Variants in IRAG2 observed in about 807,000 individuals in gnomAD.
IRAG2 encodes the protein lymphoid restricted membrane protein.
A neutral mutation model predicts 69.9 loss-of-function variants in IRAG2; 45 were observed. The ratio of observed to expected loss-of-function variants is 0.64; its 90% CI spans 0.51 to 0.83. The LOEUF (loss-of-function observed/expected upper bound fraction) is 0.83. Ranked by LOEUF, IRAG2 falls within the 40% of genes least tolerant of loss-of-function variation. The probability of loss-of-function intolerance (pLI) is 0.00; values close to 1 mark genes in which losing one functional copy is unlikely to be tolerated. For missense variants in IRAG2, 520 were observed against 587.0 expected, an observed-to-expected ratio of 0.89 and a Z score of 1.18; for synonymous variants, 193 against 202.4, an observed-to-expected ratio of 0.95 and a Z score of 0.40.
At chr12:25,087,519 T>A (rs1263003164) in intron 10 of IRAG2, among the ~76,000 whole-genome samples, 3 of 152,174 alleles carry the variant, frequency 2.0e-5, no homozygotes, top group Non-Finnish European at 2.9e-5. Flanking sequence ...ATTTGGCAAT[T>A]AATCCTAGTT....
intron 20 of IRAG2, among the ~76,000 whole-genome samples, chr12:25,105,197 C>T (rs1277540142): frequency 1.3e-5 from 2 of 151,644 alleles, no homozygotes; most frequent in Non-Finnish European, 2.9e-5. Flanking sequence ...CTGGCTCAGC[C>T]TCCCAAGTAG....
At chr12:25,031,012 G>A (rs747405416) in intron 10 of IRAG2, 150 of 984,882 alleles carry the variant, frequency 1.5e-4, no homozygotes, top group Admixed American at 1.8e-4. Context: ...CAAGGATACC[G>A]GCTACAAAGG....
chr12:25,000,290 A>G (rs1944381802), upstream of IRAG2, among the ~76,000 whole-genome samples: 1 of 152,174 alleles, frequency 6.6e-6, no homozygotes, highest in Middle Eastern at 3.2e-3. Flanking sequence ...TACCAAAAAT[A>G]CAAAAGATTA....
At chr12:25,029,028 G>A (rs1472263867) in intron 9 of IRAG2, among the ~76,000 whole-genome samples, 4 of 152,192 alleles carry the variant, frequency 2.6e-5, no homozygotes, top group African/African-American at 9.7e-5. Flanking sequence ...CCTGCACGTT[G>A]TGCACATGTA....
At chr12:25,051,643 G>A (rs956180922), upstream of IRAG2, among the ~76,000 whole-genome samples, 1 of 152,168 alleles carries the variant, frequency 6.6e-6, no homozygotes. Flanking sequence ...AAGGGTGATG[G>A]GGAGAAAAGC....
At chr12:25,002,192 C>T (rs1158946742), upstream of IRAG2, among the ~76,000 whole-genome samples, 2 of 152,190 alleles carry the variant, frequency 1.3e-5, no homozygotes, top group African/African-American at 4.8e-5. Flanking sequence ...ACTGCTACTG[C>T]ACTTCTACCT....
chr12:25,038,011 G>A (rs1041922202), exon 16 of IRAG2: 32 of 398,678 alleles, frequency 8.0e-5, no homozygotes, highest in African/African-American at 5.8e-4. Flanking sequence ...CTAGATCTTT[G>A]CATATTAATG....
intron 8 of IRAG2, chr12:25,026,786 T>C: frequency 8.3e-7 from 1 of 1,208,034 alleles, no homozygotes; most frequent in Non-Finnish European, 1.0e-6. Context: ...TCTTTTACAT[T>C]AGAATTTCAA....
intron 16 of IRAG2, among the ~76,000 whole-genome samples, chr12:25,045,001 AT>A (rs1297559639): frequency 6.6e-6 from 1 of 152,142 alleles, no homozygotes; most frequent in Non-Finnish European, 1.5e-5. Flanking sequence ...TAGACCACAC[AT>A]TAGGTCACAA....
upstream of IRAG2, among the ~76,000 whole-genome samples, chr12:25,002,321 G>A (rs1231236605): frequency 6.6e-6 from 1 of 152,124 alleles, no homozygotes; most frequent in East Asian, 1.9e-4. Context: ...AAGTCCATAA[G>A]CCCACTAATT....
At chr12:25,076,508 C>T (rs1258330249) in intron 6 of IRAG2, 1 of 984,836 alleles carries the variant, frequency 1.0e-6, no homozygotes, top group Non-Finnish European at 1.2e-6. Flanking sequence ...ACTAATTAGA[C>T]CTTTTTTTGA....
rs772824655 is a variant in IRAG2 at position 25,097,040 on chromosome 12, A to G, written c.737A>G (p.Asn246Ser). Residue 246 changes from asparagine (N) to serine (S), a missense_variant, in exon 15 of 22, where the codon AAT (asparagine) becomes AGT (serine). Coordinates refer to ENST00000556887, the MANE Select transcript of IRAG2 (RefSeq NM_001366544.2). ...ASRAEMLGAI[N>S]QESRVSKAVE... is the part of the protein sequence containing the mutation. The stretch of plus-strand genomic sequence containing the variant: ...AGGGCTGAGATGTTGGGAGCCATCA[A>G]TCAGGTAACCTGTCTTCATTTCTCT... 6 of 1,608,740 alleles carry G rather than the reference A, an allele frequency of 3.7e-6. No homozygotes were observed. Among genetic ancestry groups the G allele is most frequent in the South Asian group, 2.2e-5 (2 of 89,764 alleles).
intron 9 of IRAG2, 67 bp from the exon 10 acceptor site, chr12:25,083,352 TCTCA>T (rs1038378913): frequency 1.1e-6 from 1 of 925,924 alleles, no homozygotes; most frequent in Non-Finnish European, 1.8e-6. Flanking sequence ...ATATTGCCAC[TCTCA>T]CTGTTTCCTC....
At chr12:25,002,745 G>T (rs1826893), upstream of IRAG2, among the ~76,000 whole-genome samples, 1 of 151,604 alleles carries the variant, frequency 6.6e-6, no homozygotes, top group Non-Finnish European at 1.5e-5. Flanking sequence ...ATGTTGAAGC[G>T]ATTCTCCTGC....
At chr12:25,078,652 G>A (rs543170448) in intron 6 of IRAG2, among the ~76,000 whole-genome samples, 3 of 152,330 alleles carry the variant, frequency 2.0e-5, no homozygotes, top group South Asian at 4.1e-4. Context: ...GGAATTCCTT[G>A]TAGAAATTAA....
At chr12:25,006,541 CA>C in intron 2 of IRAG2, 1 of 152,100 alleles carries the variant, frequency 6.6e-6, no homozygotes. Flanking sequence ...ACTATGCAGC[CA>C]AAAAAACAAA....
At chr12:25,063,076 C>T (rs765835024) in intron 3 of IRAG2, among the ~76,000 whole-genome samples, 176 bp downstream of exon 3, 3 of 152,220 alleles carry the variant, frequency 2.0e-5, no homozygotes, top group Non-Finnish European at 4.4e-5. Context: ...CACATACACA[C>T]ACACAAACCT....
At chr12:25,088,201 T>A (rs1243057104) in intron 11 of IRAG2, 44 bp downstream of exon 11, 1 of 1,499,330 alleles carries the variant, frequency 6.7e-7, no homozygotes, top group East Asian at 2.3e-5. Flanking sequence ...TTTTGTTCTC[T>A]GCTGATATTT....
chr12:25,031,644 C>A (rs1944668144), intron 10 of IRAG2, among the ~76,000 whole-genome samples: 1 of 151,844 alleles, frequency 6.6e-6, no homozygotes, highest in Non-Finnish European at 1.5e-5. Context: ...CCCTTTTTGT[C>A]CGTGTGTGTG....
Sources: allele counts gnomAD v4.1 joint callset (sites outside exome capture counted in the v4.1 genomes callset), GRCh38; gene constraint gnomAD v4.1.1; transcripts MANE v1.5; gene names NCBI Gene and HGNC (gene_info 2026-07-23, HGNC 2026-07-21).